The following ATP6V1H variants were observed in gnomAD, a reference collection of about 807,000 sequenced individuals.
ATP6V1H encodes V-type proton ATPase subunit H.
A neutral mutation model predicts 71.7 loss-of-function variants in ATP6V1H; 39 were observed. The ratio of observed to expected loss-of-function variants is 0.54; its 90% CI spans 0.42 to 0.71. The LOEUF is 0.71. Among genes scored for constraint, ATP6V1H ranks in the 30% least tolerant of loss-of-function variants. ATP6V1H has a pLI of 0.00. For synonymous variants in ATP6V1H, 192 were observed against 199.3 expected, an observed-to-expected ratio of 0.96 and a Z score of 0.31; for missense variants, 509 against 594.9, an observed-to-expected ratio of 0.86 and a Z score of 1.50.
Position 53,743,571 on chromosome 8 carries a change from G to A in ATP6V1H, c.1391+6C>T, listed in dbSNP as rs761832709. 6.2e-7 allele frequency: 1 copy of A among 1,608,886 alleles called. No homozygotes were observed. The highest frequency in any genetic ancestry group is 8.5e-7 in the Non-Finnish European group (1 of 1,175,476). On this transcript the variant is annotated splice_donor_region_variant and intron_variant, in intron 13 of 13. Transcript: ENST00000359530. The stretch of plus-strand genomic sequence containing the variant: ...GTACAAGTGTGAGCAAAAAGCCGTG[G>A]CATACCAGTTGTGCACCATGAGCTT...
intron 13 of ATP6V1H, among the ~76,000 whole-genome samples, chr8:53,727,540 C>T (rs990096026): frequency 3.3e-5 from 5 of 152,178 alleles, no homozygotes; most frequent in Non-Finnish European, 7.3e-5. Context: ...TTTGAGACTC[C>T]TGTGGAAAGC....
chr8:53,730,196 T>C (rs1211215408), intron 13 of ATP6V1H, among the ~76,000 whole-genome samples: 1 of 152,232 alleles, frequency 6.6e-6, no homozygotes, highest in Non-Finnish European at 1.5e-5. Context: ...GTGGACTGTG[T>C]GACTTCACTT....
chr8:53,730,711 C>T (rs1585723549), intron 13 of ATP6V1H, among the ~76,000 whole-genome samples: 1 of 152,276 alleles, frequency 6.6e-6, no homozygotes, highest in South Asian at 2.1e-4. Flanking sequence ...AATGTCAAAG[C>T]TGGTGACTAC....
chr8:53,727,679 C>T (rs1463371820), intron 13 of ATP6V1H, among the ~76,000 whole-genome samples: 1 of 152,244 alleles, frequency 6.6e-6, no homozygotes, highest in African/African-American at 2.4e-5. Flanking sequence ...TCTCACTCCA[C>T]TGATTACTTT....
intron 9 of ATP6V1H, among the ~76,000 whole-genome samples, chr8:53,785,823 G>A (rs577584909): frequency 5.3e-4 from 81 of 152,184 alleles, no homozygotes; most frequent in African/African-American, 1.9e-3. Flanking sequence ...TGTTTGCCTG[G>A]GTATCAGCAG....
intron 7 of ATP6V1H, chr8:53,806,965 A>G: frequency 2.4e-6 from 1 of 413,060 alleles, no homozygotes; most frequent in East Asian, 7.4e-5. Flanking sequence ...AAGTTGGACC[A>G]TCGTAGGGCA....
chr8:53,748,379 T>C (rs1259059472), intron 12 of ATP6V1H, among the ~76,000 whole-genome samples: 1 of 152,238 alleles, frequency 6.6e-6, no homozygotes, highest in Non-Finnish European at 1.5e-5. Flanking sequence ...TGAATTAGTC[T>C]ATATTCAATA....
In ATP6V1H at chr8:53,829,471, T is replaced by G. The variant is rs775902020; in HGVS notation, c.279A>C (p.Ile93=). 6.2e-7 allele frequency: 1 copy of G among 1,606,028 alleles called. No homozygotes were observed. Among genetic ancestry groups the G allele is most frequent in the South Asian group, 1.1e-5 (1 of 89,542 alleles). ...GCAGCATATCATCCACCATAGTTAG[T>G]ATATACTGAACGGTCTGTTCTTTGC... ...HICKEQTVQY[I]LTMVDDMLQE... is the part of the protein sequence containing the mutation. The change falls in exon 4 of 14, where the codon ATA becomes ATC. Residue 93 remains isoleucine (I), a synonymous_variant. Coordinates refer to ENST00000359530, the MANE Select transcript of ATP6V1H (RefSeq NM_015941.4).
chr8:53,804,554 G>A (rs1382153979), intron 7 of ATP6V1H, among the ~76,000 whole-genome samples: 1 of 152,114 alleles, frequency 6.6e-6, no homozygotes. Context: ...TGCACCTGTA[G>A]TCTCAGTTAC....
intron 11 of ATP6V1H, among the ~76,000 whole-genome samples, chr8:53,763,445 T>TGG (rs1808346434): frequency 1.3e-5 from 2 of 152,192 alleles, no homozygotes; most frequent in Non-Finnish European, 2.9e-5. Flanking sequence ...AAATACGATG[T>TGG]AAACAAATCA....
chr8:53,766,804 C>T (rs1808488318), intron 11 of ATP6V1H, among the ~76,000 whole-genome samples: 1 of 152,184 alleles, frequency 6.6e-6, no homozygotes, highest in South Asian at 2.1e-4. Flanking sequence ...ACCGGTTGAT[C>T]TCAAAACCCT....
chr8:53,781,535 T>C (rs916761062), intron 9 of ATP6V1H, among the ~76,000 whole-genome samples: 3 of 152,260 alleles, frequency 2.0e-5, no homozygotes, highest in Non-Finnish European at 4.4e-5. Flanking sequence ...GCAGAAGTTC[T>C]TTAGTTTAAT....
At chr8:53,798,244 G>T (rs1451656552) in intron 8 of ATP6V1H, among the ~76,000 whole-genome samples, 1 of 151,678 alleles carries the variant, frequency 6.6e-6, no homozygotes, top group African/African-American at 2.4e-5. Flanking sequence ...CTCAGTTATC[G>T]GCCAGGCAAG....
intron 12 of ATP6V1H, 84 bp downstream of exon 12, chr8:53,756,471 T>C: frequency 1.0e-6 from 1 of 957,154 alleles, no homozygotes; most frequent in South Asian, 1.7e-5. Context: ...TTTGCTAACC[T>C]ACTCCATTTT....
chr8:53,805,278 A>G (rs1426068325), intron 7 of ATP6V1H, among the ~76,000 whole-genome samples: 1 of 152,248 alleles, frequency 6.6e-6, no homozygotes, highest in Non-Finnish European at 1.5e-5. Context: ...GTGAAAATGC[A>G]CAGCACATTG....
At chr8:53,746,021 G>C (rs1348849388) in intron 12 of ATP6V1H, among the ~76,000 whole-genome samples, 2 of 152,106 alleles carry the variant, frequency 1.3e-5, no homozygotes, top group African/African-American at 4.8e-5. Flanking sequence ...GCCATGTTGT[G>C]AGCAAAATAG....
At chr8:53,823,315 G>C (rs976600231) in intron 4 of ATP6V1H, among the ~76,000 whole-genome samples, 11 of 152,158 alleles carry the variant, frequency 7.2e-5, no homozygotes, top group Non-Finnish European at 1.6e-4. Context: ...ATAACAAAAT[G>C]TTTTAAGCAT....
chr8:53,833,233 A>T (rs2130530251), intron 2 of ATP6V1H, 147 bp from the exon 3 acceptor site: 1 of 587,364 alleles, frequency 1.7e-6, no homozygotes. Flanking sequence ...ACCTGGATTC[A>T]ATGCTTAGTT....
chr8:53,779,831 T>C (rs1563462782), intron 9 of ATP6V1H, among the ~76,000 whole-genome samples: 2 of 152,180 alleles, frequency 1.3e-5, no homozygotes, highest in South Asian at 4.1e-4. Flanking sequence ...TTTCATTACA[T>C]GTATTTGTTG....
Sources: allele counts gnomAD v4.1 joint callset (sites outside exome capture counted in the v4.1 genomes callset), GRCh38; gene constraint gnomAD v4.1.1; transcripts MANE v1.5; gene names NCBI Gene and HGNC (gene_info 2026-07-23, HGNC 2026-07-21).